Variants in FLI1 observed in about 807,000 individuals in gnomAD.
The protein encoded by FLI1 is Friend leukemia integration 1 transcription factor.
In FLI1, 13 loss-of-function variants were observed where a neutral mutation model predicts 53.1. The observed-to-expected ratio is 0.24, with a 90% CI of 0.16 to 0.39. FLI1 has a LOEUF of 0.39. Among genes scored for constraint, FLI1 ranks in the 10% least tolerant of loss-of-function variants. The probability of loss-of-function intolerance (pLI) is 1.00; values close to 1 mark genes in which losing one functional copy is unlikely to be tolerated. For synonymous variants in FLI1, 244 were observed against 236.7 expected (o/e 1.03, Z -0.28); for missense variants, 424 against 600.5 (o/e 0.71, Z 3.07).
intron 3 of FLI1, among the ~76,000 whole-genome samples, chr11:128,770,671 G>A (rs558328026): frequency 6.6e-6 from 1 of 152,194 alleles, no homozygotes; most frequent in Non-Finnish European, 1.5e-5. Flanking sequence ...AAAATATATG[G>A]TGTAAAATTG....
At chr11:128,795,842 G>A (rs913989880) in intron 5 of FLI1, among the ~76,000 whole-genome samples, 7 of 152,262 alleles carry the variant, frequency 4.6e-5, no homozygotes, top group East Asian at 1.9e-4. Flanking sequence ...GAGCCACTGC[G>A]CCCAGCCCTA....
intron 1 of FLI1, 26 bp downstream of exon 1, chr11:128,694,302 G>A (rs1937917708): frequency 1.1e-5 from 15 of 1,348,008 alleles, no homozygotes; most frequent in Non-Finnish European, 1.4e-5. Context: ...ACGGACGCGG[G>A]CGGCGGGGAC....
chr11:128,768,341 A>G, intron 3 of FLI1, 69 bp downstream of exon 3: 1 of 1,580,524 alleles, frequency 6.3e-7, no homozygotes, highest in Non-Finnish European at 8.7e-7. Context: ...GGGAGCATCT[A>G]AACCTTTATC....
At chr11:128,768,688 CAAAAAA>C (rs34066469) in intron 3 of FLI1, among the ~76,000 whole-genome samples, 3 of 77,766 alleles carry the variant, frequency 3.9e-5, no homozygotes, top group African/African-American at 1.0e-4. Flanking sequence ...GACTCTGTCT[CAAAAAA>C]AAAAAAAAAA....
chr11:128,809,054 G>A, intron 7 of FLI1, 103 bp from the exon 8 acceptor site: 1 of 853,204 alleles, frequency 1.2e-6, no homozygotes, highest in Admixed American at 2.6e-5. Flanking sequence ...TCTTTCCTGT[G>A]ATCTTGAAAT....
chr11:128,737,444 T>C (rs1447416637), intron 1 of FLI1, among the ~76,000 whole-genome samples: 1 of 152,210 alleles, frequency 6.6e-6, no homozygotes, highest in Admixed American at 6.5e-5. Flanking sequence ...TCCTCTCTAA[T>C]GTCTATGAGT....
At chr11:128,726,250 C>T (rs1456205255) in intron 1 of FLI1, among the ~76,000 whole-genome samples, 1 of 151,986 alleles carries the variant, frequency 6.6e-6, no homozygotes, top group Non-Finnish European at 1.5e-5. Flanking sequence ...CCTGTGTAGG[C>T]TCACCTTTCA....
upstream of FLI1, among the ~76,000 whole-genome samples, chr11:128,685,181 G>A (rs11221432): frequency 6.6e-6 from 1 of 152,222 alleles, no homozygotes; most frequent in Non-Finnish European, 1.5e-5. Context: ...CCCAGGATGC[G>A]CCTGAGCTGA....
At chr11:128,744,603 C>G (rs139446216) in intron 1 of FLI1, among the ~76,000 whole-genome samples, 1 of 152,150 alleles carries the variant, frequency 6.6e-6, no homozygotes, top group Non-Finnish European at 1.5e-5. Flanking sequence ...TCTGGCTCTG[C>G]GGGTAACATG....
chr11:128,763,229 G>T (rs1185870328), intron 2 of FLI1, among the ~76,000 whole-genome samples: 2 of 152,216 alleles, frequency 1.3e-5, no homozygotes, highest in African/African-American at 4.8e-5. Context: ...CAGGAGCAAA[G>T]GGTCAAGTGC....
intron 1 of FLI1, among the ~76,000 whole-genome samples, chr11:128,718,197 T>C (rs1011917468): frequency 6.6e-6 from 1 of 152,218 alleles, no homozygotes; most frequent in African/African-American, 2.4e-5. Flanking sequence ...CCCTATCATG[T>C]CCGTTAATCC....
intron 1 of FLI1, among the ~76,000 whole-genome samples, chr11:128,754,247 G>A (rs1457146344): frequency 6.7e-6 from 1 of 149,046 alleles, no homozygotes; most frequent in Non-Finnish European, 1.5e-5. Flanking sequence ...GTGTGTGTGT[G>A]TGTGTGTGTG....
chr11:128,714,425 C>T (rs1623169), intron 1 of FLI1, among the ~76,000 whole-genome samples: 136,040 of 152,204 alleles, frequency 0.89, 60,921 homozygotes, highest in East Asian at 0.99. Flanking sequence ...TTTTGCAAGA[C>T]CAAAAAAAGA....
chr11:128,701,256 C>G (rs1018189180), intron 1 of FLI1, among the ~76,000 whole-genome samples: 2 of 152,162 alleles, frequency 1.3e-5, no homozygotes, highest in African/African-American at 4.8e-5. Context: ...TTCAATTGGG[C>G]CTTCTATCCT....
chr11:128,790,267 C>T (rs35347644), intron 5 of FLI1, among the ~76,000 whole-genome samples: 55,969 of 141,582 alleles, frequency 0.4, 11,913 homozygotes, highest in African/African-American at 0.61. Context: ...TTTTTTTTTT[C>T]CACGAGAGAG....
intron 1 of FLI1, among the ~76,000 whole-genome samples, chr11:128,715,068 C>T (rs1010026986): frequency 6.6e-6 from 1 of 152,116 alleles, no homozygotes; most frequent in Non-Finnish European, 1.5e-5. Context: ...TATCATGACT[C>T]GCACGCACCC....
intron 5 of FLI1, among the ~76,000 whole-genome samples, chr11:128,802,909 A>AG (rs1281374078): frequency 6.6e-6 from 1 of 152,246 alleles, no homozygotes; most frequent in Non-Finnish European, 1.5e-5. Flanking sequence ...GAGAATAGGG[A>AG]GAAAAGCCGA....
At chr11:128,807,310 G>A (rs1942808755) in intron 7 of FLI1, 71 bp downstream of exon 7, 1 of 1,100,202 alleles carries the variant, frequency 9.1e-7, no homozygotes, top group African/African-American at 1.6e-5. Flanking sequence ...GTCAACTGAT[G>A]GAGGGTTTAA....
At chr11:128,704,133 G>T (rs1002258316) in intron 1 of FLI1, among the ~76,000 whole-genome samples, 6 of 152,108 alleles carry the variant, frequency 3.9e-5, no homozygotes, top group Non-Finnish European at 7.4e-5. Flanking sequence ...TTCAAAATTT[G>T]CTTTCAGCTC....
Sources: allele counts gnomAD v4.1 joint callset (sites outside exome capture counted in the v4.1 genomes callset), GRCh38; gene constraint gnomAD v4.1.1; transcripts MANE v1.5; gene names NCBI Gene and HGNC (gene_info 2026-07-23, HGNC 2026-07-21).